Variants in CLMN observed in about 807,000 individuals in gnomAD.
CLMN encodes the protein calmin (calponin-like, transmembrane).
In CLMN, 57 loss-of-function variants were observed where a neutral mutation model predicts 92.7. The observed-to-expected ratio is 0.61, with a 90% CI of 0.50 to 0.77. CLMN has a LOEUF of 0.77. CLMN is among the 30% of genes least tolerant of loss of function. The probability of loss-of-function intolerance (pLI) is 0.00; values close to 1 mark genes in which losing one functional copy is unlikely to be tolerated. For synonymous variants in CLMN, 466 were observed against 470.6 expected (o/e 0.99, Z 0.13); for missense variants, 1,158 against 1,237.5 (o/e 0.94, Z 0.96).
In CLMN at chr14:95,258,843, G is replaced by GT. The variant is rs150956957; in HGVS notation, c.83-28711dup. The stretch of plus-strand genomic sequence containing the variant: ...GTGTGTTTGTGTGTGGTATGTGTAT[G>GT]TATCTGTGGTGTGTGTGTGGTATGT... On this transcript the variant is annotated intron_variant, in intron 1 of 12. Transcript: ENST00000298912. 3.2e-3 allele frequency among the ~76,000 whole-genome samples: 472 copies of GT among 148,204 alleles called. 10 individuals are homozygous for GT. In the East Asian group the frequency reaches 0.036, roughly 11 times the overall value.
chr14:95,194,361 C>T lies in CLMN; in HGVS notation c.2769+175G>A. ...TTATTTACATCTCTTATTGCCCAAA[C>T]CGGATATCCGATCGGACTGTGCTTA... On this transcript the variant is annotated intron_variant, in intron 11 of 12. Coordinates refer to ENST00000298912, the MANE Select transcript of CLMN (RefSeq NM_024734.4). This position sits in a 1 kb window ranked among gnomAD's most constrained non-coding sequence, Gnocchi z 4.0. 1.4e-6 allele frequency: 2 copies of T among 1,446,854 alleles called. No individual in the cohort carries two copies. Among genetic ancestry groups the T allele is most frequent in the Non-Finnish European group, 1.8e-6 (2 of 1,100,086 alleles). 89.6% of individuals were successfully genotyped at this position (1,446,854 alleles called of 1,614,324 possible). A position where few individuals can be genotyped will look rare whatever the true frequency, so the allele number is the denominator to read the frequency against.
chr14:95,289,855 C>T (rs1013802627), intron 1 of CLMN, among the ~76,000 whole-genome samples: 1 of 152,230 alleles, frequency 6.6e-6, no homozygotes, highest in Non-Finnish European at 1.5e-5. Context: ...GCCTACTGTG[C>T]CAGGTCTCCC....
chr14:95,196,775 C>CA (rs1896728796), intron 9 of CLMN, 81 bp from the exon 10 acceptor site: 2 of 1,381,194 alleles, frequency 1.4e-6, no homozygotes, highest in Non-Finnish European at 9.9e-7. Flanking sequence ...CAGTGCTCTG[C>CA]CCAGGCCCAG....
intron 1 of CLMN, among the ~76,000 whole-genome samples, chr14:95,268,473 G>A (rs1464851437): frequency 2.0e-5 from 3 of 152,084 alleles, no homozygotes; most frequent in African/African-American, 7.2e-5. Context: ...TTGGAAACTG[G>A]ATTTGAAGTT....
chr14:95,215,811 C>A (rs1033722551), intron 4 of CLMN, 78 bp from the exon 5 acceptor site: 2 of 903,114 alleles, frequency 2.2e-6, no homozygotes, highest in African/African-American at 4.2e-5. Flanking sequence ...TTCTCTCTCT[C>A]TCTCTGTGTG....
At chr14:95,231,449 C>T (rs1595599618) in intron 1 of CLMN, among the ~76,000 whole-genome samples, 1 of 152,260 alleles carries the variant, frequency 6.6e-6, no homozygotes, top group Non-Finnish European at 1.5e-5. Context: ...CCGCCCACCT[C>T]GGCCTCCCAA....
chr14:95,213,069 G>A, intron 6 of CLMN, 150 bp downstream of exon 6: 3 of 802,578 alleles, frequency 3.7e-6, no homozygotes, highest in South Asian at 3.8e-5. Context: ...TTACAGGCAT[G>A]AGCCACCGCG....
At chr14:95,245,215 TATATATATATTATA>T (rs1898459186) in intron 1 of CLMN, among the ~76,000 whole-genome samples, 1 of 35,416 alleles carries the variant, frequency 2.8e-5, no homozygotes, top group African/African-American at 1.5e-4. Context: ...ATATTATATA[TATATATATATTATA>T]TATATATATT....
At chr14:95,216,321 C>T (rs773447958) in intron 4 of CLMN, among the ~76,000 whole-genome samples, 11 of 152,212 alleles carry the variant, frequency 7.2e-5, no homozygotes, top group African/African-American at 7.2e-5. Context: ...GTCCCTCCCA[C>T]GACACGTGGG....
intron 8 of CLMN, among the ~76,000 whole-genome samples, chr14:95,208,332 T>C (rs1897102593): frequency 6.6e-6 from 1 of 152,302 alleles, no homozygotes; most frequent in Non-Finnish European, 1.5e-5. Flanking sequence ...ATTGCTGTCA[T>C]TATTATCAGC....
chr14:95,271,411 C>A lies in CLMN; in HGVS notation c.83-41278G>T, dbSNP rs1029902872. Among the ~76,000 whole-genome samples, 3 of 152,288 alleles carry A rather than the reference C, an allele frequency of 2.0e-5. No homozygotes were observed. In the East Asian group the frequency reaches 5.8e-4, roughly 29 times the overall value. On this transcript the variant is annotated intron_variant, in intron 1 of 12. Coordinates refer to ENST00000298912, the MANE Select transcript of CLMN (RefSeq NM_024734.4). ...CCGACCTGTCTAGAGAGGCCACATT[C>A]CTGAGAGCCACGAAGACAGCACCAA... is the stretch of plus-strand genomic sequence containing the variant.
In CLMN at chr14:95,278,795, C is replaced by A. The variant is rs145405739; in HGVS notation, c.82+40916G>T. Among the ~76,000 whole-genome samples the A allele has an allele frequency of 3.5e-4, 53 of 152,194 alleles. No homozygotes were observed. The East Asian group carries it at 9.4e-3, about 27-fold the overall frequency. On this transcript the variant is annotated intron_variant, in intron 1 of 12. Coordinates refer to ENST00000298912, the MANE Select transcript of CLMN (RefSeq NM_024734.4). ...GGCTGCCTAGAAGTTATGGAAACATCCCCACCCCCACTAACAAACAGGACT... is the reference window on the plus strand; with the variant it reads ...GGCTGCCTAGAAGTTATGGAAACATACCCACCCCCACTAACAAACAGGACT...
chr14:95,188,694 G>A lies in CLMN; in HGVS notation c.*2870C>T, dbSNP rs1187891345. The A allele has an allele frequency of 6.6e-6, 1 of 152,000 alleles. No individual in the cohort carries two copies. The highest frequency in any genetic ancestry group is 1.5e-5 in the Non-Finnish European group (1 of 67,996). The allele number at this position is 152,000 out of a possible 1,614,324, so 9.4% of individuals were successfully genotyped here. On this transcript the variant is annotated 3_prime_UTR_variant, in exon 13 of 13. Transcript: ENST00000298912. Reference sequence around the variant, plus strand: ...GATACAACACCATCATGACAGTTCAGAACACCAAGAATAAAGAGATCTTAA... The same window carrying A: ...GATACAACACCATCATGACAGTTCAAAACACCAAGAATAAAGAGATCTTAA...
At chr14:95,216,326 C>T (rs190344118) in intron 4 of CLMN, among the ~76,000 whole-genome samples, 51 of 152,350 alleles carry the variant, frequency 3.3e-4, no homozygotes, top group African/African-American at 1.1e-3. Context: ...TCCCACGACA[C>T]GTGGGAATTA....
intron 1 of CLMN, among the ~76,000 whole-genome samples, chr14:95,253,518 G>A (rs1015687546): frequency 3.9e-5 from 6 of 152,114 alleles, no homozygotes; most frequent in South Asian, 2.1e-4. Context: ...CGCATGCAGG[G>A]AATGCAGGGA....
In CLMN at chr14:95,269,687, C is replaced by A. The variant is rs575827934; in HGVS notation, c.83-39554G>T. Among the ~76,000 whole-genome samples, 8 of 152,352 alleles carry A rather than the reference C, an allele frequency of 5.3e-5. No individual in the cohort carries two copies. The East Asian group carries it at 1.5e-3, about 29-fold the overall frequency. On this transcript the variant is annotated intron_variant, in intron 1 of 12. Transcript: ENST00000298912. The stretch of plus-strand genomic sequence containing the variant: ...TGCCCAAGCCCCAGCATCAGCCTGG[C>A]TGACCCCAGCTGCCTGGCACCAAAG...
At chr14:95,201,275 G>C (rs1896872465) in intron 9 of CLMN, among the ~76,000 whole-genome samples, 1 of 151,712 alleles carries the variant, frequency 6.6e-6, no homozygotes, top group East Asian at 1.9e-4. Context: ...TGAAGCTTGG[G>C]GTAATTATCT....
rs1223113588 is a variant in CLMN, at chr14:95,183,982, C to T, written c.*7582G>A. 1 of 151,942 alleles carries T rather than the reference C, an allele frequency of 6.6e-6. No individual in the cohort carries two copies. The highest frequency in any genetic ancestry group is 1.5e-5 in the Non-Finnish European group (1 of 68,036). The allele number at this position is 151,942 out of a possible 1,614,324, so 9.4% of individuals were successfully genotyped here. A position where few individuals can be genotyped will look rare whatever the true frequency, so the allele number is the denominator to read the frequency against. On this transcript the variant is annotated 3_prime_UTR_variant, in exon 13 of 13. Transcript: ENST00000298912. Reference sequence around the variant, plus strand: ...CTGAGTTAGATTTGAGACAGGGTAGCTCAGAAAAAAGTAATGGATTGGAGA... The same window carrying T: ...CTGAGTTAGATTTGAGACAGGGTAGTTCAGAAAAAAGTAATGGATTGGAGA...
intron 2 of CLMN, among the ~76,000 whole-genome samples, chr14:95,229,446 G>A (rs1211321577): frequency 1.3e-5 from 2 of 152,176 alleles, no homozygotes; most frequent in Admixed American, 6.5e-5. Context: ...AGGAATAGAA[G>A]GGCCACTAAG....
Sources: allele counts gnomAD v4.1 joint callset (sites outside exome capture counted in the v4.1 genomes callset), GRCh38; gene constraint gnomAD v4.1.1; non-coding constraint Gnocchi (gnomAD v3.1); transcripts MANE v1.5; gene names NCBI Gene and HGNC (gene_info 2026-07-23, HGNC 2026-07-21).